Variants in TNKS observed in about 807,000 individuals in gnomAD.
TNKS encodes poly [ADP-ribose] polymerase tankyrase-1.
Under a neutral mutation model 135.8 loss-of-function variants are expected in TNKS, and 72 were observed. That is an observed-to-expected ratio of 0.53 (90% CI 0.44 to 0.64). TNKS has a LOEUF of 0.64. Among genes scored for constraint, TNKS ranks in the 30% least tolerant of loss-of-function variants. The probability of loss-of-function intolerance (pLI) is 0.00; values close to 1 mark genes in which losing one functional copy is unlikely to be tolerated. For missense variants in TNKS, 1,769 were observed against 1,674.0 expected (o/e 1.06, Z -0.99); for synonymous variants, 849 against 649.3 (o/e 1.31, Z -4.68).
At chr8:9,769,267 G>A (rs1807654527) in intron 25 of TNKS, among the ~76,000 whole-genome samples, 1 of 152,180 alleles carries the variant, frequency 6.6e-6, no homozygotes, top group African/African-American at 2.4e-5. Flanking sequence ...ATGGGCTATA[G>A]CTTGCTAACC....
intron 1 of TNKS, among the ~76,000 whole-genome samples, chr8:9,568,939 A>G (rs1249647074): frequency 1.3e-5 from 2 of 152,228 alleles, no homozygotes; most frequent in African/African-American, 4.8e-5. Flanking sequence ...AGAAACGGGT[A>G]TACCTGTACT....
chr8:9,697,801 T>A (rs1803588507), intron 5 of TNKS, among the ~76,000 whole-genome samples: 1 of 152,044 alleles, frequency 6.6e-6, no homozygotes, highest in African/African-American at 2.4e-5. Flanking sequence ...ACTGACAAAT[T>A]TGCAGAGAAA....
intron 24 of TNKS, 106 bp from the exon 25 acceptor site, chr8:9,766,133 C>T (rs1807430698): frequency 1.1e-6 from 1 of 926,240 alleles, no homozygotes; most frequent in East Asian, 2.5e-5. Flanking sequence ...TTCATTTATA[C>T]ACCATTCATT....
At chr8:9,702,866 A>G (rs1344247564) in intron 5 of TNKS, among the ~76,000 whole-genome samples, 1 of 152,008 alleles carries the variant, frequency 6.6e-6, no homozygotes, top group Non-Finnish European at 1.5e-5. Context: ...AAATACAAAA[A>G]TTAGCTGGGT....
intron 3 of TNKS, among the ~76,000 whole-genome samples, chr8:9,637,758 G>A (rs556066357): frequency 4.6e-5 from 7 of 152,236 alleles, no homozygotes; most frequent in African/African-American, 1.7e-4. Context: ...AAAAACACAT[G>A]AAGTAGAAAT....
chr8:9,606,491 T>C (rs1799226100), intron 2 of TNKS, among the ~76,000 whole-genome samples: 1 of 152,144 alleles, frequency 6.6e-6, no homozygotes, highest in African/African-American at 2.4e-5. Flanking sequence ...ATCTTGAAAT[T>C]AGGTAGTGTG....
rs1202385773 is a variant in TNKS at position 9,615,604 on chromosome 8, C to T, written c.921C>T (p.Asp307=). The T allele has an allele frequency of 1.2e-6, 2 of 1,613,666 alleles. No individual in the cohort carries two copies. The highest frequency in any genetic ancestry group is 1.7e-5 in the Admixed American group (1 of 59,964). ...CAGTGCTGCTGCAGCACGGAGCTGA[C>T]CCAAACATTCGGAACACTGATGGGA... ...VCIVLLQHGA[D]PNIRNTDGKS... The change falls in exon 3 of 27, where the codon GAC becomes GAT. Residue 307 remains aspartate (D), a synonymous_variant. Transcript: ENST00000310430.
chr8:9,621,801 A>G (rs755379237), intron 3 of TNKS, among the ~76,000 whole-genome samples: 16 of 152,202 alleles, frequency 1.1e-4, no homozygotes, highest in Non-Finnish European at 1.8e-4. Flanking sequence ...AAAATAAACT[A>G]CAAGCAGAAA....
Position 9,614,435 on chromosome 8 carries a change from A to G in TNKS, c.899-1147A>G, listed in dbSNP as rs549972751. Among the ~76,000 whole-genome samples the G allele has an allele frequency of 2.4e-4, 36 of 152,348 alleles. No homozygotes were observed. In the South Asian group the frequency reaches 6.2e-3, roughly 26 times the overall value. ...AGATGTACAGGCTCACCTTCCTGGC[A>G]GCTGTGTCCTAGTTCTGGATAAGGC... On this transcript the variant is annotated intron_variant, in intron 2 of 26. Coordinates refer to ENST00000310430, the MANE Select transcript of TNKS (RefSeq NM_003747.3).
At chr8:9,610,673 T>G (rs1189421824) in intron 2 of TNKS, among the ~76,000 whole-genome samples, 2 of 152,200 alleles carry the variant, frequency 1.3e-5, no homozygotes, top group African/African-American at 4.8e-5. Context: ...AATGTATATC[T>G]CTTTATTCTT....
intron 1 of TNKS, among the ~76,000 whole-genome samples, chr8:9,574,584 C>T (rs1797871836): frequency 6.6e-6 from 1 of 152,326 alleles, no homozygotes; most frequent in Non-Finnish European, 1.5e-5. Flanking sequence ...TGGTTTCCCA[C>T]ATACTTACAA....
intron 3 of TNKS, among the ~76,000 whole-genome samples, chr8:9,643,326 G>A (rs948711044): frequency 6.9e-6 from 1 of 145,824 alleles, no homozygotes; most frequent in Non-Finnish European, 1.5e-5. Flanking sequence ...TGTCTGGTTA[G>A]GGCCTGTTTG....
chr8:9,766,085 A>G (rs1248113863), intron 24 of TNKS, among the ~76,000 whole-genome samples, 154 bp from the exon 25 acceptor site: 1 of 152,208 alleles, frequency 6.6e-6, no homozygotes, highest in Non-Finnish European at 1.5e-5. Flanking sequence ...TTGTACTAGT[A>G]CATTATTATG....
intron 18 of TNKS, among the ~76,000 whole-genome samples, chr8:9,749,335 A>G (rs930124413): frequency 2.0e-5 from 3 of 152,178 alleles, no homozygotes; most frequent in South Asian, 2.1e-4. Flanking sequence ...GTCCTTAGCA[A>G]TTCTAAAATT....
At chr8:9,725,387 C>T (rs1056916144) in intron 12 of TNKS, among the ~76,000 whole-genome samples, 2 of 152,124 alleles carry the variant, frequency 1.3e-5, no homozygotes, top group Non-Finnish European at 2.9e-5. Flanking sequence ...ATATGAAACA[C>T]TCTCTTTTTT....
chr8:9,721,651 C>T (rs903497392), intron 12 of TNKS, among the ~76,000 whole-genome samples: 27 of 152,058 alleles, frequency 1.8e-4, no homozygotes, highest in South Asian at 8.3e-4. Flanking sequence ...GTACAGTGCC[C>T]GCTTTTTATA....
chr8:9,605,782 A>G (rs1003876172), intron 2 of TNKS, among the ~76,000 whole-genome samples: 7 of 151,972 alleles, frequency 4.6e-5, no homozygotes, highest in African/African-American at 1.7e-4. Flanking sequence ...TCATTTTTCA[A>G]GTTGTATTGT....
intron 2 of TNKS, among the ~76,000 whole-genome samples, chr8:9,602,686 T>A (rs1335484056): frequency 6.6e-6 from 1 of 152,216 alleles, no homozygotes; most frequent in Admixed American, 6.5e-5. Flanking sequence ...GCACTGTTCA[T>A]TAGCAATGTA....
intron 1 of TNKS, among the ~76,000 whole-genome samples, chr8:9,567,139 G>A (rs1797574758): frequency 6.6e-6 from 1 of 152,162 alleles, no homozygotes; most frequent in South Asian, 2.1e-4. Context: ...TACAAATTTT[G>A]GAAAGTACAG....
Sources: allele counts gnomAD v4.1 joint callset (sites outside exome capture counted in the v4.1 genomes callset), GRCh38; gene constraint gnomAD v4.1.1; transcripts MANE v1.5; gene names NCBI Gene and HGNC (gene_info 2026-07-23, HGNC 2026-07-21).